The following ADCY2 variants were observed in gnomAD, a reference collection of about 807,000 sequenced individuals.
ADCY2 encodes adenylate cyclase type 2.
ADCY2 carries 31 observed loss-of-function variants against 125.2 expected under a neutral mutation model. The observed-to-expected ratio is 0.25, with a 90% CI of 0.19 to 0.33. ADCY2 has a LOEUF of 0.33. ADCY2 is among the 10% of genes least tolerant of loss of function. The pLI, the probability that ADCY2 is intolerant of heterozygous loss-of-function variation, is 1.00. For synonymous variants in ADCY2, 512 were observed against 548.4 expected, an observed-to-expected ratio of 0.93 and a Z score of 0.93; for missense variants, 904 against 1,418.2, an observed-to-expected ratio of 0.64 and a Z score of 5.82.
chr5:7,666,230 A>G (rs1739719775), intron 4 of ADCY2, among the ~76,000 whole-genome samples: 2 of 151,996 alleles, frequency 1.3e-5, no homozygotes. Flanking sequence ...GACATGTTAA[A>G]GAGGCCATTT....
At chr5:7,491,702 G>C (rs896424110) in intron 2 of ADCY2, among the ~76,000 whole-genome samples, 12 of 152,118 alleles carry the variant, frequency 7.9e-5, no homozygotes, top group African/African-American at 2.9e-4. Context: ...TAACATATAA[G>C]TTATAGCCCC....
At position 7,830,070 on chromosome 5, in the gene ADCY2, ACT is replaced by A. The variant is rs887571750; in HGVS notation, c.*3202_*3203del. The A allele has an allele frequency of 2.8e-5, 4 of 142,252 alleles. No homozygotes were observed. The highest frequency in any genetic ancestry group is 1.0e-4 in the African/African-American group (4 of 38,224). The allele number at this position is 142,252 out of a possible 1,614,324, so 8.8% of individuals were successfully genotyped here. On this transcript the variant is annotated 3_prime_UTR_variant, in exon 25 of 25. Transcript: ENST00000338316. ...ACTCCAGCCTGGGTGACAGAGCGAG[ACT>A]CTGTCTCAGAAAAAAAAAGAAAAAA...
intron 16 of ADCY2, among the ~76,000 whole-genome samples, chr5:7,760,382 A>C (rs942888024): frequency 7.9e-5 from 12 of 152,204 alleles, no homozygotes; most frequent in African/African-American, 2.9e-4. Context: ...TGAGGATGAA[A>C]GCACACTTGA....
chr5:7,522,554 C>T (rs927992003), intron 3 of ADCY2: 2 of 152,060 alleles, frequency 1.3e-5, no homozygotes, highest in Non-Finnish European at 2.9e-5. Context: ...AGCTGTTAAG[C>T]TCAACATTAG....
chr5:7,449,070 G>A (rs1231764628), intron 2 of ADCY2, among the ~76,000 whole-genome samples: 1 of 152,136 alleles, frequency 6.6e-6, no homozygotes, highest in African/African-American at 2.4e-5. Flanking sequence ...TTCCACAATG[G>A]TTGAACTAAT....
chr5:7,537,397 T>G (rs1350759429), intron 3 of ADCY2, among the ~76,000 whole-genome samples: 37 of 152,202 alleles, frequency 2.4e-4, no homozygotes, highest in East Asian at 3.9e-4. Flanking sequence ...CTCAGTATTT[T>G]CCTGCTCAAG....
chr5:7,548,762 T>A (rs754545583), intron 3 of ADCY2, among the ~76,000 whole-genome samples: 1 of 152,222 alleles, frequency 6.6e-6, no homozygotes, highest in Non-Finnish European at 1.5e-5. Flanking sequence ...GTCCATACTT[T>A]AGGCCCTGAA....
intron 10 of ADCY2, among the ~76,000 whole-genome samples, 171 bp from the exon 11 acceptor site, chr5:7,712,685 A>G (rs997405280): frequency 1.3e-5 from 2 of 152,242 alleles, no homozygotes; most frequent in Non-Finnish European, 2.9e-5. Flanking sequence ...TGAGTTTACA[A>G]CTTGATTCAC....
chr5:7,508,251 A>C (rs977737483), intron 2 of ADCY2, among the ~76,000 whole-genome samples: 2 of 152,150 alleles, frequency 1.3e-5, no homozygotes, highest in African/African-American at 4.8e-5. Flanking sequence ...GTAACATCTT[A>C]CTTCTGACCA....
chr5:7,621,315 T>G (rs1366170148), intron 3 of ADCY2, among the ~76,000 whole-genome samples: 1 of 152,170 alleles, frequency 6.6e-6, no homozygotes, highest in African/African-American at 2.4e-5. Context: ...GAACTTAACA[T>G]AACTTTAAAT....
At chr5:7,780,394 G>A (rs1446746321) in intron 18 of ADCY2, among the ~76,000 whole-genome samples, 4 of 152,120 alleles carry the variant, frequency 2.6e-5, no homozygotes, top group African/African-American at 9.7e-5. Flanking sequence ...AGGATTTGGG[G>A]GTCACTTGTG....
chr5:7,755,287 G>C (rs1223749608), intron 15 of ADCY2, among the ~76,000 whole-genome samples: 4 of 152,172 alleles, frequency 2.6e-5, no homozygotes. Context: ...AATGAGACGA[G>C]GGCGCAGGAA....
At chr5:7,580,492 A>G (rs1736395025) in intron 3 of ADCY2, among the ~76,000 whole-genome samples, 2 of 152,174 alleles carry the variant, frequency 1.3e-5, no homozygotes, top group Non-Finnish European at 2.9e-5. Flanking sequence ...GAGATGACAG[A>G]AGAATAGTAT....
intron 2 of ADCY2, among the ~76,000 whole-genome samples, chr5:7,497,134 C>G (rs1743371517): frequency 1.3e-5 from 2 of 152,158 alleles, no homozygotes; most frequent in Admixed American, 1.3e-4. Context: ...TAAAAAGTAT[C>G]AAATTTCCCA....
At chr5:7,701,128 C>T (rs1579331837) in intron 7 of ADCY2, among the ~76,000 whole-genome samples, 1 of 151,720 alleles carries the variant, frequency 6.6e-6, no homozygotes, top group African/African-American at 2.4e-5. Flanking sequence ...TAACCTGCTG[C>T]TGGTGAAAAC....
intron 3 of ADCY2, among the ~76,000 whole-genome samples, chr5:7,555,860 A>G (rs1270529663): frequency 6.8e-6 from 1 of 147,048 alleles, no homozygotes; most frequent in South Asian, 2.2e-4. Context: ...GAGCGCACAC[A>G]CACACACACA....
intron 2 of ADCY2, among the ~76,000 whole-genome samples, chr5:7,487,736 G>T (rs999772332): frequency 6.6e-5 from 10 of 152,156 alleles, no homozygotes; most frequent in African/African-American, 2.4e-4. Context: ...CATGGTGCTG[G>T]GAGAAGATGA....
intron 18 of ADCY2, among the ~76,000 whole-genome samples, chr5:7,779,194 A>G (rs1312245444): frequency 6.6e-6 from 1 of 152,196 alleles, no homozygotes; most frequent in Non-Finnish European, 1.5e-5. Flanking sequence ...GGGTCTAACA[A>G]GCTTCTTTTC....
chr5:7,531,589 CCT>C (rs769505553), intron 3 of ADCY2, among the ~76,000 whole-genome samples: 2 of 152,106 alleles, frequency 1.3e-5, no homozygotes, highest in Non-Finnish European at 2.9e-5. Context: ...TGCTTTTATG[CCT>C]CTCTCCTAGC....
Sources: allele counts gnomAD v4.1 joint callset (sites outside exome capture counted in the v4.1 genomes callset), GRCh38; gene constraint gnomAD v4.1.1; transcripts MANE v1.5; gene names NCBI Gene and HGNC (gene_info 2026-07-23, HGNC 2026-07-21).